OPRM1: variants seen among roughly 807,000 people sequenced by gnomAD.
The protein encoded by OPRM1 is opioid receptor mu 1.
OPRM1 carries 27 observed loss-of-function variants against 31.8 expected under a neutral mutation model. The ratio of observed to expected loss-of-function variants is 0.85; its 90% CI spans 0.63 to 1.17. The LOEUF is 1.17. Among genes scored for constraint, OPRM1 ranks in the 50% most tolerant of loss-of-function variants. The pLI, the probability that OPRM1 is intolerant of heterozygous loss-of-function variation, is 0.00. For synonymous variants in OPRM1, 196 were observed against 189.9 expected (o/e 1.03, Z -0.26); for missense variants, 536 against 511.1 (o/e 1.05, Z -0.47).
chr6:154,015,108 A>C (rs148450146), intron 1 of OPRM1, among the ~76,000 whole-genome samples: 3 of 152,264 alleles, frequency 2.0e-5, no homozygotes, highest in East Asian at 3.9e-4. Context: ...GTTCTCCCTC[A>C]GGTAATTTTG....
chr6:154,035,062 T>C (rs565824752), upstream of OPRM1, among the ~76,000 whole-genome samples: 45 of 152,342 alleles, frequency 3.0e-4, no homozygotes, highest in African/African-American at 1.1e-3. Flanking sequence ...GATAAATTCT[T>C]TCATATGTGT....
chr6:154,163,613 G>C (rs190627916), intron 3 of OPRM1, among the ~76,000 whole-genome samples: 105 of 152,298 alleles, frequency 6.9e-4, no homozygotes, highest in Non-Finnish European at 1.4e-3. Context: ...CCAAGTGCCT[G>C]AAAGAATGAC....
chr6:154,063,364 C>T (rs1270396712), intron 1 of OPRM1, among the ~76,000 whole-genome samples: 2 of 151,912 alleles, frequency 1.3e-5, no homozygotes, highest in East Asian at 1.9e-4. Flanking sequence ...TATATGGTAG[C>T]AGTGCAATGT....
At chr6:154,235,391 G>T (rs1169289319) in intron 3 of OPRM1, among the ~76,000 whole-genome samples, 1 of 152,090 alleles carries the variant, frequency 6.6e-6, no homozygotes, top group Non-Finnish European at 1.5e-5. Context: ...AATTAGCTGG[G>T]TGTGGTGGCG....
intron 3 of OPRM1, among the ~76,000 whole-genome samples, chr6:154,206,372 T>A (rs1390330501): frequency 6.6e-6 from 1 of 152,210 alleles, no homozygotes; most frequent in Non-Finnish European, 1.5e-5. Context: ...TGGGGAAATA[T>A]TTGTGGAACA....
At chr6:154,221,182 AT>A (rs1452348699) in intron 3 of OPRM1, 1 of 1,040,588 alleles carries the variant, frequency 9.6e-7, no homozygotes, top group Admixed American at 2.0e-5. Context: ...TGGACATATG[AT>A]TAGAATTCCA....
At chr6:154,107,957 TA>T (rs1251797283) in intron 3 of OPRM1, 8 of 468,528 alleles carry the variant, frequency 1.7e-5, no homozygotes, top group East Asian at 7.1e-5. Context: ...CTGATTTTTT[TA>T]TTTTATTTTA....
At chr6:154,022,910 G>A (rs1387521438) in intron 1 of OPRM1, among the ~76,000 whole-genome samples, 1 of 152,126 alleles carries the variant, frequency 6.6e-6, no homozygotes. Flanking sequence ...ACTGGTCTAT[G>A]TGTCTGTTTT....
intron 3 of OPRM1, among the ~76,000 whole-genome samples, chr6:154,104,074 GT>G: frequency 6.6e-6 from 1 of 152,280 alleles, no homozygotes; most frequent in African/African-American, 2.4e-5. Flanking sequence ...AATCCTAAGA[GT>G]TGCAGAGAGA....
intron 3 of OPRM1, among the ~76,000 whole-genome samples, chr6:154,221,682 G>T (rs111425305): frequency 0.01 from 1,540 of 152,086 alleles, 7 homozygotes; most frequent in Middle Eastern, 0.021. Context: ...GACCATCCTG[G>T]CTAACATGGT....
rs570630044 is a variant in OPRM1 at position 154,221,226 on chromosome 6, A to T, written c.1165-25467A>T. The T allele has an allele frequency of 1.5e-4, 235 of 1,537,362 alleles. 4 individuals carry two copies. The South Asian group carries it at 2.5e-3, about 17-fold the overall frequency. On this transcript the variant is annotated intron_variant, in intron 3 of 3. Coordinates refer to the OPRM1 transcript ENST00000337049. Reference sequence around the variant, plus strand: ...GCTAAAGTTAAGTATATTCCCATTAAGGATGGGGTTTACCAGTTTCCTCTA... The same window carrying T: ...GCTAAAGTTAAGTATATTCCCATTATGGATGGGGTTTACCAGTTTCCTCTA...
rs562469270 is a variant in OPRM1, at chr6:154,103,705, T to G, written c.1164+12233T>G. ...TGCTCAACAAGGGGTGTATTATTCA[T>G]GCCTCCCCTTTTTAGACCATACAGG... is the stretch of plus-strand genomic sequence containing the variant. On this transcript the variant is annotated intron_variant, in intron 3 of 3. Coordinates refer to ENST00000330432, the MANE Select transcript of OPRM1 (RefSeq NM_000914.5). Among the ~76,000 whole-genome samples the G allele has an allele frequency of 5.9e-5, 9 of 152,334 alleles. 1 individual carries two copies. Among genetic ancestry groups the G allele is most frequent in the Admixed American group, 4.6e-4 (7 of 15,296 alleles).
chr6:154,021,599 T>A (rs968659243), intron 1 of OPRM1, among the ~76,000 whole-genome samples: 3 of 152,150 alleles, frequency 2.0e-5, no homozygotes, highest in Admixed American at 2.0e-4. Flanking sequence ...ACATGGAATC[T>A]TTCTCTATTT....
chr6:154,180,414 ATTT>A (rs761333730), intron 3 of OPRM1, among the ~76,000 whole-genome samples: 1 of 65,268 alleles, frequency 1.5e-5, no homozygotes. Context: ...ATATATATAT[ATTT>A]TTTTTTTAAA....
chr6:154,192,379 AT>A (rs1308279868), intron 3 of OPRM1, among the ~76,000 whole-genome samples: 1 of 148,356 alleles, frequency 6.7e-6, no homozygotes, highest in East Asian at 2.0e-4. Context: ...TTTATGGAGT[AT>A]TTTAGATAGA....
intron 1 of OPRM1, among the ~76,000 whole-genome samples, chr6:154,069,760 TC>T (rs1786252373): frequency 6.6e-6 from 1 of 152,182 alleles, no homozygotes; most frequent in African/African-American, 2.4e-5. Context: ...TGAAAAGACT[TC>T]CCTTTCCCCA....
chr6:154,035,015 C>A (rs1268087382), upstream of OPRM1, among the ~76,000 whole-genome samples: 4 of 152,084 alleles, frequency 2.6e-5, no homozygotes, highest in South Asian at 2.1e-4. Flanking sequence ...AATTTCTAGG[C>A]CACATACAAC....
chr6:154,111,616 G>A (rs1309085284), intron 3 of OPRM1, among the ~76,000 whole-genome samples: 1 of 152,078 alleles, frequency 6.6e-6, no homozygotes, highest in African/African-American at 2.4e-5. Context: ...CCTTTGCGTG[G>A]ATAAAGATTA....
chr6:154,036,297 G>T (rs1023042489), upstream of OPRM1, among the ~76,000 whole-genome samples: 2 of 152,048 alleles, frequency 1.3e-5, no homozygotes, highest in Admixed American at 1.3e-4. Context: ...ATGGGTGGAA[G>T]ATACCAAGAT....
Sources: allele counts gnomAD v4.1 joint callset (sites outside exome capture counted in the v4.1 genomes callset), GRCh38; gene constraint gnomAD v4.1.1; transcripts MANE v1.5; gene names NCBI Gene and HGNC (gene_info 2026-07-23, HGNC 2026-07-21).